The following PLEKHH1 variants were observed in gnomAD, a reference collection of about 807,000 sequenced individuals.
PLEKHH1 encodes the protein pleckstrin homology, MyTH4 and FERM domain containing H1.
PLEKHH1 carries 104 observed loss-of-function variants against 160.0 expected under a neutral mutation model. That is an observed-to-expected ratio of 0.65 (90% confidence interval 0.55 to 0.76). The LOEUF is 0.76. PLEKHH1 is among the 30% of genes least tolerant of loss of function. The pLI, the probability that PLEKHH1 is intolerant of heterozygous loss-of-function variation, is 0.00. For missense variants in PLEKHH1, 1,427 were observed against 1,724.1 expected, an observed-to-expected ratio of 0.83 and a Z score of 3.05; for synonymous variants, 619 against 678.4, an observed-to-expected ratio of 0.91 and a Z score of 1.36.
Position 67,557,394 on chromosome 14 carries a change from G to C in PLEKHH1, c.315G>C (p.Gln105His), listed in dbSNP as rs770903027. 1.9e-6 allele frequency: 3 copies of C among 1,613,728 alleles called. No homozygotes were observed. In the South Asian group the frequency reaches 3.3e-5, roughly 18 times the overall value. The change falls in exon 4 of 29, where the codon CAG becomes CAC. Residue 105 changes from glutamine to histidine, a missense_variant. Coordinates refer to ENST00000329153, the MANE Select transcript of PLEKHH1 (RefSeq NM_020715.3). The stretch of plus-strand genomic sequence containing the variant: ...AGGGCAAAGATGAGCTCATCAGCCA[G>C]CTAGAGGCTCAGCTGGAGAAGCAGG... ...AIKGKDELIS[Q>H]LEAQLEKQKQ...
Position 67,587,575 on chromosome 14 carries a change from C to A in PLEKHH1, c.*340C>A. ...TTAAGGCTTTCTGCACTGGTACTCTCAAGGAAGCTAATTTTCTTTCTGGGG... is the reference window on the plus strand; with the variant it reads ...TTAAGGCTTTCTGCACTGGTACTCTAAAGGAAGCTAATTTTCTTTCTGGGG... On this transcript the variant is annotated 3_prime_UTR_variant, in exon 29 of 29. Coordinates refer to ENST00000329153, the MANE Select transcript of PLEKHH1 (RefSeq NM_020715.3). 13 of 278,438 alleles carry A rather than the reference C, an allele frequency of 4.7e-5. No individual in the cohort carries two copies. Among genetic ancestry groups the A allele is most frequent in the Non-Finnish European group, 6.9e-5 (10 of 144,584 alleles). 17.2% of individuals were successfully genotyped at this position (278,438 alleles called of 1,614,324 possible).
chr14:67,585,894 C>A, intron 27 of PLEKHH1, 57 bp from the exon 28 acceptor site: 1 of 1,556,310 alleles, frequency 6.4e-7, no homozygotes, highest in Non-Finnish European at 8.7e-7. Context: ...GATGCTGGTT[C>A]CTAGCTCAGG....
In PLEKHH1 at chr14:67,583,860, T is replaced by C. The variant is rs769969628; in HGVS notation, c.3546T>C (p.His1182=). ...GGTTCCACCCCAGGCGCTATAGACATGGGGCCCCCGCTGAACAGCTGAGGT... is the reference window on the plus strand; with the variant it reads ...GGTTCCACCCCAGGCGCTATAGACACGGGGCCCCCGCTGAACAGCTGAGGT... The part of the protein sequence containing the change: ...LDRFHPRRYR[H]GAPAEQLRHL... Residue 1182 remains histidine (H), a synonymous_variant, in exon 25 of 29, where the codon CAT becomes CAC. Transcript: ENST00000329153. 4.3e-6 allele frequency: 7 copies of C among 1,613,672 alleles called. No individual in the cohort carries two copies. In the Admixed American group the frequency reaches 1.2e-4, roughly 27 times the overall value.
chr14:67,579,907 C>T, intron 22 of PLEKHH1, 31 bp downstream of exon 22: 1 of 1,563,736 alleles, frequency 6.4e-7, no homozygotes, highest in Non-Finnish European at 8.7e-7. Flanking sequence ...CAGCTGAGCC[C>T]CTCCCTGCTC....
At chr14:67,569,256 G>C in intron 8 of PLEKHH1, 40 bp downstream of exon 8, 1 of 1,399,824 alleles carries the variant, frequency 7.1e-7, no homozygotes, top group East Asian at 2.3e-5. Context: ...AAACACCCAA[G>C]GTGGGCAGGG....
At chr14:67,586,445 T>C (rs759586247) in intron 28 of PLEKHH1, 6 of 1,305,460 alleles carry the variant, frequency 4.6e-6, no homozygotes, top group East Asian at 1.0e-4. Context: ...GCAGGGCAGA[T>C]TCCTCTTTAA....
In PLEKHH1 at chr14:67,556,618, C is replaced by T. The variant is rs114730345; in HGVS notation, c.190-651C>T. Among the ~76,000 whole-genome samples, 585 of 152,234 alleles carry T rather than the reference C, an allele frequency of 3.8e-3. 1 individual carries two copies. Among genetic ancestry groups the T allele is most frequent in the African/African-American group, 0.013 (538 of 41,534 alleles). ...AATACTTAAGCCCAGCGGGGTGTGA[C>T]GGTATGCACCTATGGTCCCAGCTAC... On this transcript the variant is annotated intron_variant, in intron 3 of 28. Coordinates refer to ENST00000329153, the MANE Select transcript of PLEKHH1 (RefSeq NM_020715.3).
At position 67,574,049 on chromosome 14, in the gene PLEKHH1, A is replaced by G. The variant is rs2035508060; in HGVS notation, c.1926+162A>G. 2.0e-5 allele frequency among the ~76,000 whole-genome samples: 3 copies of G among 152,204 alleles called. No individual in the cohort carries two copies. The highest frequency in any genetic ancestry group is 7.2e-5 in the African/African-American group (3 of 41,444). ...TGTGAGTACAAGAAAGGAAGATGAGACAGAATATGAGAGATGGAGTGAAGG... is the reference window on the plus strand; with the variant it reads ...TGTGAGTACAAGAAAGGAAGATGAGGCAGAATATGAGAGATGGAGTGAAGG... On this transcript the variant is annotated intron_variant, in intron 13 of 28. Transcript: ENST00000329153. This position sits in a 1 kb window ranked among gnomAD's most constrained non-coding sequence, Gnocchi z 4.2.
intron 11 of PLEKHH1, among the ~76,000 whole-genome samples, chr14:67,572,880 C>G (rs1053546768): frequency 2.6e-5 from 4 of 152,238 alleles, no homozygotes; most frequent in African/African-American, 9.6e-5. Context: ...TGCCCTCTCC[C>G]TGCTCTGTGC....
intron 28 of PLEKHH1, chr14:67,586,428 C>T: frequency 7.5e-7 from 1 of 1,328,462 alleles, no homozygotes; most frequent in Non-Finnish European, 9.9e-7. Context: ...TTGCAGCAGT[C>T]CTCAAGGCAG....
At position 67,569,262 on chromosome 14, in the gene PLEKHH1, C is replaced by T. The variant is rs184823488; in HGVS notation, c.1342+46C>T. ...GGAGGCACCAAACACCCAAGGTGGG[C>T]AGGGTGGGCAAGCGGGGAGGAGAAG... On this transcript the variant is annotated intron_variant, in intron 8 of 28. Transcript: ENST00000329153. 4.5e-5 allele frequency: 64 copies of T among 1,408,114 alleles called. 1 individual carries two copies. In the African/African-American group the frequency reaches 7.3e-4, roughly 16 times the overall value. The allele number at this position is 1,408,114 out of a possible 1,614,324, so 87.2% of individuals were successfully genotyped here.
Position 67,589,351 on chromosome 14 carries a change from C to T in PLEKHH1, c.*2116C>T, listed in dbSNP as rs767429600. On this transcript the variant is annotated 3_prime_UTR_variant, in exon 29 of 29. Transcript: ENST00000329153. The stretch of plus-strand genomic sequence containing the variant: ...TTTATTCTTTGTTAACATGAGAGTC[C>T]CATGTCTGAAAACCAAAGTCCAATT... 2.0e-5 allele frequency: 20 copies of T among 981,700 alleles called. No homozygotes were observed. Among genetic ancestry groups the T allele is most frequent in the Non-Finnish European group, 2.4e-5 (20 of 826,766 alleles). 60.8% of individuals were successfully genotyped at this position (981,700 alleles called of 1,614,324 possible).
chr14:67,578,775 G>T lies in PLEKHH1; in HGVS notation c.2849+144G>T. 3.0e-6 allele frequency: 2 copies of T among 675,494 alleles called. No individual in the cohort carries two copies. The highest frequency in any genetic ancestry group is 5.4e-6 in the Non-Finnish European group (2 of 371,328). 41.8% of individuals were successfully genotyped at this position (675,494 alleles called of 1,614,324 possible). A position where few individuals can be genotyped will look rare whatever the true frequency, so the allele number is the denominator to read the frequency against. ...GGTCGTGGAGACTTCACCCATTGCC[G>T]TGTGCACAAATGGGCACGTGTGGAT... On this transcript the variant is annotated intron_variant, in intron 20 of 28. Transcript: ENST00000329153. The surrounding 1 kb of genome is among the most constrained non-coding windows in gnomAD (Gnocchi z 5.0).
Position 67,573,730 on chromosome 14 carries a change from C to A in PLEKHH1, c.1840-71C>A. On this transcript the variant is annotated intron_variant, in intron 12 of 28. Coordinates refer to ENST00000329153, the MANE Select transcript of PLEKHH1 (RefSeq NM_020715.3). This position sits in a 1 kb window ranked among gnomAD's most constrained non-coding sequence, Gnocchi z 4.8. The stretch of plus-strand genomic sequence containing the variant: ...CTTTGCTTATGACGTGGAGGAAGAT[C>A]TGAGGGTAAATGAGGTGCTCCGGAA... 2 of 975,772 alleles carry A rather than the reference C, an allele frequency of 2.0e-6. No homozygotes were observed. The highest frequency in any genetic ancestry group is 3.3e-6 in the Non-Finnish European group (2 of 597,568). 60.4% of individuals were successfully genotyped at this position (975,772 alleles called of 1,614,324 possible). A position where few individuals can be genotyped will look rare whatever the true frequency, so the allele number is the denominator to read the frequency against.
At chr14:67,545,682 T>C (rs1231329193) in intron 2 of PLEKHH1, among the ~76,000 whole-genome samples, 1 of 152,198 alleles carries the variant, frequency 6.6e-6, no homozygotes, top group Non-Finnish European at 1.5e-5. Flanking sequence ...TGGATAAACA[T>C]ATTCAGTGTA....
chr14:67,557,561 A>G lies in PLEKHH1; in HGVS notation c.339+143A>G, dbSNP rs1594759312. On this transcript the variant is annotated intron_variant, in intron 4 of 28. Transcript: ENST00000329153. ...AGCCTATTCTTTTATGTGAAAATTTAATTATAGGAAGGACTGTTCCTCCCA... is the reference window on the plus strand; with the variant it reads ...AGCCTATTCTTTTATGTGAAAATTTGATTATAGGAAGGACTGTTCCTCCCA... 8.7e-6 allele frequency: 6 copies of G among 691,496 alleles called. No homozygotes were observed. The South Asian group carries it at 1.2e-4, about 14-fold the overall frequency. The allele number at this position is 691,496 out of a possible 1,614,324, so 42.8% of individuals were successfully genotyped here.
At chr14:67,575,733 T>A in intron 15 of PLEKHH1, 90 bp from the exon 16 acceptor site, 1 of 973,750 alleles carries the variant, frequency 1.0e-6, no homozygotes, top group Admixed American at 2.2e-5. Flanking sequence ...TATCCACGAT[T>A]CCCAGCTTCA....
intron 7 of PLEKHH1, among the ~76,000 whole-genome samples, chr14:67,566,518 G>A (rs947395998): frequency 3.3e-5 from 5 of 152,160 alleles, no homozygotes; most frequent in Non-Finnish European, 5.9e-5. Context: ...GCAGAAGCAG[G>A]TAGACTGCTT....
chr14:67,576,591 C>A lies in PLEKHH1; in HGVS notation c.2461+88C>A. The A allele has an allele frequency of 1.5e-6, 1 of 683,482 alleles. No individual in the cohort carries two copies. 42.3% of individuals were successfully genotyped at this position (683,482 alleles called of 1,614,324 possible). On this transcript the variant is annotated intron_variant, in intron 17 of 28. Transcript: ENST00000329153. The surrounding 1 kb of genome is among the most constrained non-coding windows in gnomAD (Gnocchi z 4.0). ...AGATCCCAAAGAAAGCAGTGTTGTACCCTGAAGCTGTTTTTAAAACATCTA... is the reference window on the plus strand; with the variant it reads ...AGATCCCAAAGAAAGCAGTGTTGTAACCTGAAGCTGTTTTTAAAACATCTA...
Sources: allele counts gnomAD v4.1 joint callset (sites outside exome capture counted in the v4.1 genomes callset), GRCh38; gene constraint gnomAD v4.1.1; non-coding constraint Gnocchi (gnomAD v3.1); transcripts MANE v1.5; gene names NCBI Gene and HGNC (gene_info 2026-07-23, HGNC 2026-07-21).